Variants in CFAP46 observed in about 807,000 individuals in gnomAD.
CFAP46 encodes cilia and flagella associated protein 46.
A neutral mutation model predicts 325.7 loss-of-function variants in CFAP46; 245 were observed. The ratio of observed to expected loss-of-function variants is 0.75; its 90% CI spans 0.68 to 0.84. CFAP46 has a LOEUF of 0.84. Among genes scored for constraint, CFAP46 ranks in the 40% least tolerant of loss-of-function variants. The probability of loss-of-function intolerance (pLI) is 0.00; values close to 1 mark genes in which losing one functional copy is unlikely to be tolerated. For missense variants in CFAP46, 3,346 were observed against 3,543.0 expected (o/e 0.94, Z 1.41); for synonymous variants, 1,523 against 1,495.9 (o/e 1.02, Z -0.42).
chr10:132,871,394 C>T (rs779316072), intron 32 of CFAP46, among the ~76,000 whole-genome samples: 4 of 152,180 alleles, frequency 2.6e-5, no homozygotes, highest in Admixed American at 6.5e-5. Context: ...TTATAGCTGC[C>T]GCAGAGAGTG....
intron 40 of CFAP46, among the ~76,000 whole-genome samples, chr10:132,850,702 T>C (rs1848524155): frequency 1.3e-5 from 2 of 152,240 alleles, no homozygotes; most frequent in Non-Finnish European, 2.9e-5. Context: ...ATTTGAGTCA[T>C]GTTTCATGAA....
At chr10:132,891,612 G>A (rs1470111493) in intron 25 of CFAP46, among the ~76,000 whole-genome samples, 4 of 152,212 alleles carry the variant, frequency 2.6e-5, no homozygotes, top group Non-Finnish European at 5.9e-5. Context: ...TGTGGAGAAT[G>A]CCCTTTTCCC....
At chr10:132,941,508 T>C in intron 3 of CFAP46, 83 bp downstream of exon 3, 1 of 1,515,130 alleles carries the variant, frequency 6.6e-7, no homozygotes, top group Non-Finnish European at 8.9e-7. Context: ...AGAACGATTT[T>C]AAGCCTGGTC....
In CFAP46 at chr10:132,923,953, AG is replaced by A. The variant is rs572236575; in HGVS notation, c.1256+742del. Among the ~76,000 whole-genome samples the A allele has an allele frequency of 2.6e-4, 40 of 152,270 alleles. 1 individual carries two copies. In the South Asian group the frequency reaches 7.9e-3, roughly 30 times the overall value. Reference sequence around the variant, plus strand: ...AGAAAAATTCAGGGAGCCCCAGAGAAGGTGGGAAGGAGCACTGGCAGTGCAG... The same window carrying A: ...AGAAAAATTCAGGGAGCCCCAGAGAAGTGGGAAGGAGCACTGGCAGTGCAG... On this transcript the variant is annotated intron_variant, in intron 11 of 57. Coordinates refer to ENST00000368586, the MANE Select transcript of CFAP46 (RefSeq NM_001200049.3).
At chr10:132,815,431 G>A (rs557856591) in intron 50 of CFAP46, among the ~76,000 whole-genome samples, 13 of 152,330 alleles carry the variant, frequency 8.5e-5, no homozygotes, top group East Asian at 7.7e-4. Flanking sequence ...CTGCCTGACC[G>A]CCTTCAAAGA....
chr10:132,817,650 C>T lies in CFAP46; in HGVS notation c.7118-2736G>A, dbSNP rs1334704084. 2.0e-5 allele frequency among the ~76,000 whole-genome samples: 3 copies of T among 152,224 alleles called. No individual in the cohort carries two copies. Among genetic ancestry groups the T allele is most frequent in the Non-Finnish European group, 4.4e-5 (3 of 68,046 alleles). On this transcript the variant is annotated intron_variant, in intron 50 of 57. Coordinates refer to ENST00000368586, the MANE Select transcript of CFAP46 (RefSeq NM_001200049.3). The surrounding 1 kb of genome is among the most constrained non-coding windows in gnomAD (Gnocchi z 4.4). ...TTAGCGCTTTACGGCAGTGCGGCCACACCTGGCGGCGCCCCAGACTCAGCG... is the reference window on the plus strand; with the variant it reads ...TTAGCGCTTTACGGCAGTGCGGCCATACCTGGCGGCGCCCCAGACTCAGCG...
At chr10:132,892,229 C>G in intron 25 of CFAP46, 104 bp downstream of exon 25, 1 of 1,068,460 alleles carries the variant, frequency 9.4e-7, no homozygotes, top group Non-Finnish European at 1.4e-6. Context: ...CAAGTGGCTT[C>G]ACGTCAGGGC....
chr10:132,933,378 C>T (rs1460754624), intron 8 of CFAP46, among the ~76,000 whole-genome samples: 2 of 152,238 alleles, frequency 1.3e-5, no homozygotes, highest in African/African-American at 2.4e-5. Flanking sequence ...GACCTCGGAA[C>T]AGGGCTATTT....
chr10:132,850,410 G>A lies in CFAP46; in HGVS notation c.5786C>T (p.Thr1929Ile), dbSNP rs1380327002. 1.3e-6 allele frequency: 2 copies of A among 1,577,060 alleles called. No homozygotes were observed. The highest frequency in any genetic ancestry group is 1.7e-6 in the Non-Finnish European group (2 of 1,160,410). The part of the protein sequence containing the change: ...VGLQWFTLKR[T>I]LAHGALAQLG... ...CTGTGCCAGTGCCCCGTGTGCTAGAGTCCGCTTCAGCGTGAACCATTGCTT... is the reference window on the plus strand; with the variant it reads ...CTGTGCCAGTGCCCCGTGTGCTAGAATCCGCTTCAGCGTGAACCATTGCTT... The change falls in exon 41 of 58, where the codon ACT becomes ATT. Residue 1929 changes from threonine (T) to isoleucine (I), a missense_variant. Thr to Ile is a moderately conservative substitution (Grantham distance 89, BLOSUM62 -1). Coordinates refer to ENST00000368586, the MANE Select transcript of CFAP46 (RefSeq NM_001200049.3).
chr10:132,899,861 G>C lies in CFAP46; in HGVS notation c.2925-195C>G, dbSNP rs537175292. On this transcript the variant is annotated intron_variant, in intron 22 of 57. Coordinates refer to ENST00000368586, the MANE Select transcript of CFAP46 (RefSeq NM_001200049.3). ...AGCTTCAGGGACTTGCTAGACTGCA[G>C]GGATGCAGGGCAAGGGGCTCCTGGT... Among the ~76,000 whole-genome samples, 17 of 152,334 alleles carry C rather than the reference G, an allele frequency of 1.1e-4. No homozygotes were observed. The South Asian group carries it at 3.3e-3, about 30-fold the overall frequency.
chr10:132,877,366 C>G lies in CFAP46; in HGVS notation c.4213-405G>C, dbSNP rs1424420248. Reference sequence around the variant, plus strand: ...GGTGTGAGCGTCCTGCTCTGGGGAGCTGGGCAGCCAAGTGGTTTCTCAGAC... The same window carrying G: ...GGTGTGAGCGTCCTGCTCTGGGGAGGTGGGCAGCCAAGTGGTTTCTCAGAC... On this transcript the variant is annotated intron_variant, in intron 30 of 57. Transcript: ENST00000368586. This position sits in a 1 kb window ranked among gnomAD's most constrained non-coding sequence, Gnocchi z 5.7. 1.3e-5 allele frequency among the ~76,000 whole-genome samples: 2 copies of G among 152,220 alleles called. No individual in the cohort carries two copies. Among genetic ancestry groups the G allele is most frequent in the Admixed American group, 6.5e-5 (1 of 15,292 alleles).
intron 3 of CFAP46, 44 bp downstream of exon 3, chr10:132,941,547 G>A (rs777203955): frequency 3.8e-6 from 6 of 1,588,262 alleles, no homozygotes; most frequent in African/African-American, 2.7e-5. Context: ...GAGATGGGGT[G>A]AAAATTGAAC....
intron 50 of CFAP46, among the ~76,000 whole-genome samples, chr10:132,826,856 T>C (rs994788087): frequency 6.6e-6 from 1 of 152,124 alleles, no homozygotes; most frequent in Admixed American, 6.5e-5. Context: ...GTGCTGATCT[T>C]GGAGGTGAGG....
At chr10:132,826,134 A>G (rs1848043469) in intron 50 of CFAP46, among the ~76,000 whole-genome samples, 1 of 138,396 alleles carries the variant, frequency 7.2e-6, no homozygotes, top group African/African-American at 2.8e-5. Context: ...AGCCGGAGCC[A>G]CAGAGACCAG....
At chr10:132,870,249 C>T (rs889932245) in intron 32 of CFAP46, among the ~76,000 whole-genome samples, 2 of 152,142 alleles carry the variant, frequency 1.3e-5, no homozygotes, top group Admixed American at 6.5e-5. Context: ...TCCCGCATTT[C>T]TCTCCCTCCC....
At chr10:132,856,778 T>C (rs2135193488) in intron 39 of CFAP46, among the ~76,000 whole-genome samples, 1 of 152,380 alleles carries the variant, frequency 6.6e-6, no homozygotes, top group East Asian at 1.9e-4. Flanking sequence ...TCAATTATTC[T>C]TCCTAATTTC....
chr10:132,837,434 C>T (rs529693697), intron 44 of CFAP46, among the ~76,000 whole-genome samples: 1 of 152,070 alleles, frequency 6.6e-6, no homozygotes, highest in African/African-American at 2.4e-5. Context: ...CACAGACACC[C>T]ACCCGTGCAT....
rs780627455 is a variant in CFAP46 at position 132,836,853 on chromosome 10, G to A, written c.6500C>T (p.Thr2167Ile). The A allele has an allele frequency of 3.7e-6, 6 of 1,613,910 alleles. No individual in the cohort carries two copies. The highest frequency in any genetic ancestry group is 5.1e-6 in the Non-Finnish European group (6 of 1,180,004). The part of the protein sequence containing the change: ...HFNLLNEMPP[T>I]FWILFLHLSG... ...GAGGTGCAGAAAGAGGATCCAAAAG[G>A]TCGGAGGCATCTCATTCAAGAGGTT... The change falls in exon 45 of 58, where the codon ACC becomes ATC. Residue 2167 changes from threonine to isoleucine, a missense_variant. Coordinates refer to ENST00000368586, the MANE Select transcript of CFAP46 (RefSeq NM_001200049.3).
At chr10:132,875,338 T>C (rs1591066340) in intron 31 of CFAP46, among the ~76,000 whole-genome samples, 2 of 152,206 alleles carry the variant, frequency 1.3e-5, no homozygotes, top group East Asian at 3.8e-4. Flanking sequence ...ACAGATTCAA[T>C]GCAATGTCAG....
Sources: gnomAD v4.1 joint callset for allele counts (sites outside exome capture counted in the v4.1 genomes callset) on GRCh38, gnomAD v4.1.1 for gene constraint, Gnocchi (gnomAD v3.1) non-coding constraint, MANE v1.5 for transcripts, NCBI Gene and HGNC (gene_info 2026-07-23, HGNC 2026-07-21) for gene names.